The following CRYBG3 variants were observed in gnomAD, a reference collection of about 807,000 sequenced individuals.
The protein encoded by CRYBG3 is crystallin beta-gamma domain containing 3.
In CRYBG3, 127 loss-of-function variants were observed where a neutral mutation model predicts 244.2. The observed-to-expected ratio is 0.52, with a 90% CI of 0.45 to 0.60. CRYBG3 has a LOEUF of 0.60. Ranked by LOEUF, CRYBG3 falls within the 20% of genes least tolerant of loss-of-function variation. CRYBG3 has a pLI of 0.00. For missense variants in CRYBG3, 3,325 were observed against 3,442.5 expected (o/e 0.97, Z 0.85); for synonymous variants, 1,132 against 1,195.8 (o/e 0.95, Z 1.10).
In CRYBG3 at chr3:97,944,578, C is replaced by CTT. The variant is rs765116253; in HGVS notation, c.*1266_*1267dup. ...CACTATTTTGAGTATTTTTTATAGA[C>CTT]TTTAAATACTGGGTTTTTTTCCTCC... On this transcript the variant is annotated 3_prime_UTR_variant, in exon 22 of 22. Coordinates refer to ENST00000389622, the MANE Select transcript of CRYBG3 (RefSeq NM_153605.4). The CTT allele has an allele frequency of 6.6e-6, 1 of 152,272 alleles. No individual in the cohort carries two copies. The highest frequency in any genetic ancestry group is 1.5e-5 in the Non-Finnish European group (1 of 67,892). 9.4% of individuals were successfully genotyped at this position (152,272 alleles called of 1,614,324 possible).
At position 97,942,401 on chromosome 3, in the gene CRYBG3, A is replaced by G; in HGVS notation, c.8782A>G (p.Ile2928Val). The G allele has an allele frequency of 6.2e-7, 1 of 1,611,718 alleles. No homozygotes were observed. The highest frequency in any genetic ancestry group is 8.5e-7 in the Non-Finnish European group (1 of 1,178,406). Residue 2928 changes from isoleucine to valine, a missense_variant, in exon 21 of 22, where the codon ATC (isoleucine) becomes GTC (valine). Transcript: ENST00000389622. ...GTGGAGACTGAATAAAAATGGAACT[A>G]TCAGCTCTTATCTCAGTGATCAACT... ...QKWRLNKNGTISSYLSDQLVL... is the reference protein window; with the variant it reads ...QKWRLNKNGTVSSYLSDQLVL...
intron 15 of CRYBG3, among the ~76,000 whole-genome samples, chr3:97,905,132 C>T (rs2039755834): frequency 6.6e-6 from 1 of 152,156 alleles, no homozygotes; most frequent in Non-Finnish European, 1.5e-5. Flanking sequence ...TTTTCTTAAT[C>T]CAGTCTATCA....
intron 2 of CRYBG3, among the ~76,000 whole-genome samples, chr3:97,845,379 TTTTA>T (rs2038885950): frequency 6.6e-6 from 1 of 152,250 alleles, no homozygotes; most frequent in Non-Finnish European, 1.5e-5. Context: ...TCATTAAATT[TTTTA>T]TTCTTAAAAT....
Position 97,874,393 on chromosome 3 carries a change from C to T in CRYBG3, c.3199C>T (p.Pro1067Ser). ...IDSVSSSSSY[P>S]EEVSMIVNSH... ...TAGTGTGTCATCTTCCTCTAGTTACCCTGAAGAAGTTAGCATGATAGTAAA... is the reference window on the plus strand; with the variant it reads ...TAGTGTGTCATCTTCCTCTAGTTACTCTGAAGAAGTTAGCATGATAGTAAA... Residue 1067 changes from proline (P) to serine (S), a missense_variant, in exon 4 of 22, where the codon CCT becomes TCT. Coordinates refer to ENST00000389622, the MANE Select transcript of CRYBG3 (RefSeq NM_153605.4). 6.5e-7 allele frequency: 1 copy of T among 1,533,420 alleles called. No homozygotes were observed. Among genetic ancestry groups the T allele is most frequent in the African/African-American group, 1.4e-5 (1 of 72,936 alleles). The allele number at this position is 1,533,420 out of a possible 1,614,324, so 95.0% of individuals were successfully genotyped here.
rs1047075262 is a variant in CRYBG3, at chr3:97,856,393, A to G, written c.217-7824A>G. ...ATTATCACATGATGAGGATGGCGAC[A>G]TACATCCTCATCAGCTGACAGCATT... On this transcript the variant is annotated intron_variant, in intron 2 of 21. Coordinates refer to ENST00000389622, the MANE Select transcript of CRYBG3 (RefSeq NM_153605.4). Among the ~76,000 whole-genome samples the G allele has an allele frequency of 5.9e-5, 9 of 152,160 alleles. No individual in the cohort carries two copies. The East Asian group carries it at 1.7e-3, about 29-fold the overall frequency.
intron 2 of CRYBG3, among the ~76,000 whole-genome samples, chr3:97,846,149 A>T (rs1357483914): frequency 1.3e-5 from 2 of 152,112 alleles, no homozygotes; most frequent in Non-Finnish European, 2.9e-5. Flanking sequence ...CCTAGTTCTC[A>T]TTCTATTTAA....
In CRYBG3 at chr3:97,886,724, C is replaced by A. The variant is rs1429397347; in HGVS notation, c.7246C>A (p.Leu2416Met). 1 of 1,612,172 alleles carries A rather than the reference C, an allele frequency of 6.2e-7. No individual in the cohort carries two copies. The highest frequency in any genetic ancestry group is 8.5e-7 in the Non-Finnish European group (1 of 1,179,096). ...IQRAVPNLEE[L>M]NISKSVSFTV... ...GAGAGCAGTCCCCAATTTGGAAGAA[C>A]TGAATATCTCCAAATCTGTGTCCTT... is the stretch of plus-strand genomic sequence containing the variant. The change falls in exon 8 of 22, where the codon CTG (leucine) becomes ATG (methionine). Residue 2416 changes from leucine (L) to methionine (M), a missense_variant. This residue lies in a region of CRYBG3 where 714 missense variants were observed against 803.6 expected (regional missense o/e 0.89). Coordinates refer to ENST00000389622, the MANE Select transcript of CRYBG3 (RefSeq NM_153605.4).
At chr3:97,852,788 G>T (rs1385077312) in intron 2 of CRYBG3, among the ~76,000 whole-genome samples, 1 of 151,976 alleles carries the variant, frequency 6.6e-6, no homozygotes, top group African/African-American at 2.4e-5. Flanking sequence ...GTTTATATTC[G>T]CACCAACAGT....
rs533050183 is a variant in CRYBG3 at position 97,908,265 on chromosome 3, G to T, written c.8005-3902G>T. ...AGTTCTGTAGATGTCTATTAGGTCC[G>T]CTTGGTGCAGAGCTGAGTTCAATTC... is the stretch of plus-strand genomic sequence containing the variant. On this transcript the variant is annotated intron_variant, in intron 15 of 21. Coordinates refer to ENST00000389622, the MANE Select transcript of CRYBG3 (RefSeq NM_153605.4). Among the ~76,000 whole-genome samples the T allele has an allele frequency of 3.2e-3, 482 of 152,184 alleles. 1 individual carries two copies. The highest frequency in any genetic ancestry group is 0.011 in the African/African-American group (466 of 41,522).
intron 19 of CRYBG3, among the ~76,000 whole-genome samples, chr3:97,940,506 C>G (rs1413864144): frequency 6.6e-6 from 1 of 151,992 alleles, no homozygotes; most frequent in Non-Finnish European, 1.5e-5. Flanking sequence ...AGAGGCAAGT[C>G]CCAGGTTTAA....
In CRYBG3 at chr3:97,845,438, C is replaced by T. The variant is rs539168630; in HGVS notation, c.216+2177C>T. Reference sequence around the variant, plus strand: ...AATTTTGCTATTTTACTAACATCGGCGGCTACTTCTAACATTTACATCTAT... The same window carrying T: ...AATTTTGCTATTTTACTAACATCGGTGGCTACTTCTAACATTTACATCTAT... On this transcript the variant is annotated intron_variant, in intron 2 of 21. Coordinates refer to ENST00000389622, the MANE Select transcript of CRYBG3 (RefSeq NM_153605.4). Among the ~76,000 whole-genome samples the T allele has an allele frequency of 7.2e-5, 11 of 152,270 alleles. No individual in the cohort carries two copies. The East Asian group carries it at 9.6e-4, about 13-fold the overall frequency.
rs1295875429 is a variant in CRYBG3 at position 97,899,141 on chromosome 3, G to A, written c.7849G>A (p.Val2617Ile). 2 of 1,608,996 alleles carry A rather than the reference G, an allele frequency of 1.2e-6. No individual in the cohort carries two copies. The highest frequency in any genetic ancestry group is 1.7e-6 in the Non-Finnish European group (2 of 1,178,568). The part of the protein sequence containing the change: ...RSIHVKSGVW[V>I]AYQQKFFCGE... ...TTTTTCTTTTTTCCCTACTAGATGG[G>A]TTGCCTACCAGCAAAAGTTCTTCTG... is the stretch of plus-strand genomic sequence containing the variant. The change falls in exon 14 of 22, where the codon GTT (valine) becomes ATT (isoleucine). Residue 2617 changes from valine to isoleucine, a missense_variant. Physicochemically the swap from Val to Ile is conservative, Grantham distance 29. Coordinates refer to ENST00000389622, the MANE Select transcript of CRYBG3 (RefSeq NM_153605.4).
intron 8 of CRYBG3, 94 bp downstream of exon 8, chr3:97,886,861 GTT>G (rs1477952301): frequency 1.3e-5 from 14 of 1,079,262 alleles, no homozygotes; most frequent in Non-Finnish European, 1.7e-5. Flanking sequence ...TCTAGCTAAT[GTT>G]TATACTCTCA....
chr3:97,944,532 A>C lies in CRYBG3; in HGVS notation c.*1218A>C, dbSNP rs1310962902. On this transcript the variant is annotated 3_prime_UTR_variant, in exon 22 of 22. Transcript: ENST00000389622. The stretch of plus-strand genomic sequence containing the variant: ...CACTTTAGAATGTAAAATAACAATG[A>C]CTATTTTAAACTCGAAGACCCACTA... 1 of 152,344 alleles carries C rather than the reference A, an allele frequency of 6.6e-6. No individual in the cohort carries two copies. The highest frequency in any genetic ancestry group is 1.5e-5 in the Non-Finnish European group (1 of 67,906). The allele number at this position is 152,344 out of a possible 1,614,324, so 9.4% of individuals were successfully genotyped here. A position where few individuals can be genotyped will look rare whatever the true frequency, so the allele number is the denominator to read the frequency against.
At chr3:97,901,338 G>A (rs1419654881) in intron 15 of CRYBG3, among the ~76,000 whole-genome samples, 1 of 152,100 alleles carries the variant, frequency 6.6e-6, no homozygotes, top group East Asian at 1.9e-4. Context: ...TAAATATTTG[G>A]CATTTGCTGC....
chr3:97,890,132 C>G (rs1029252585), intron 10 of CRYBG3, among the ~76,000 whole-genome samples: 1 of 152,196 alleles, frequency 6.6e-6, no homozygotes, highest in African/African-American at 2.4e-5. Context: ...TCCATTCTCT[C>G]AGCCACATAG....
chr3:97,887,538 G>A (rs2039523774), intron 8 of CRYBG3, among the ~76,000 whole-genome samples: 4 of 152,122 alleles, frequency 2.6e-5, no homozygotes, highest in Non-Finnish European at 1.5e-5. Context: ...GATCACCTGA[G>A]GTCAGGAGTT....
At position 97,877,370 on chromosome 3, in the gene CRYBG3, G is replaced by T. The variant is rs376823008; in HGVS notation, c.6176G>T (p.Gly2059Val). The T allele has an allele frequency of 4.0e-5, 64 of 1,613,986 alleles. No homozygotes were observed. Among genetic ancestry groups the T allele is most frequent in the Non-Finnish European group, 5.3e-5 (63 of 1,180,024 alleles). Residue 2059 changes from glycine to valine, a missense_variant, in exon 4 of 22, where the codon GGT (glycine) becomes GTT (valine). By Grantham distance (109) the Gly-to-Val change is moderately radical. Coordinates refer to ENST00000389622, the MANE Select transcript of CRYBG3 (RefSeq NM_153605.4). ...CACTTTGAAAAAGGTACTAAATTAG[G>T]TGAGACATTTGATAGTGATAGTTCA... ...VHHFEKGTKL[G>V]ETFDSDSSEM... is the part of the protein sequence containing the mutation.
intron 1 of CRYBG3, among the ~76,000 whole-genome samples, chr3:97,831,927 AT>A (rs1165157938): frequency 1.3e-5 from 2 of 151,548 alleles, no homozygotes; most frequent in African/African-American, 4.9e-5. Context: ...CATCGTTTCC[AT>A]GGGACAGAGT....
Sources: allele counts gnomAD v4.1 joint callset (sites outside exome capture counted in the v4.1 genomes callset), GRCh38; gene constraint gnomAD v4.1.1; regional missense constraint gnomAD v4.1.1; transcripts MANE v1.5; gene names NCBI Gene and HGNC (gene_info 2026-07-23, HGNC 2026-07-21).